The following STK3 variants were observed in gnomAD, a reference collection of about 807,000 sequenced individuals.
STK3 encodes the protein serine/threonine kinase 3, also known as serine/threonine-protein kinase 3.
STK3 carries 41 observed loss-of-function variants against 58.0 expected under a neutral mutation model. The observed-to-expected ratio is 0.71, with a 90% confidence interval of 0.55 to 0.92. The LOEUF (loss-of-function observed/expected upper bound fraction) is 0.92, where lower values mean the gene tolerates loss of function less well. Ranked by LOEUF, STK3 falls within the 40% of genes least tolerant of loss-of-function variation. The pLI is 0.00. For synonymous variants in STK3, 170 were observed against 191.0 expected, an observed-to-expected ratio of 0.89 and a Z score of 0.91; for missense variants, 479 against 602.7, an observed-to-expected ratio of 0.79 and a Z score of 2.15.
chr8:98,696,332 A>C (rs542914658), intron 6 of STK3, among the ~76,000 whole-genome samples: 2 of 151,884 alleles, frequency 1.3e-5, no homozygotes, highest in East Asian at 3.9e-4. Flanking sequence ...TCTTTTCCTA[A>C]TTGAATACCC....
downstream of STK3, chr8:98,880,543 T>A (rs918118912): frequency 6.6e-6 from 1 of 152,188 alleles, no homozygotes; most frequent in Non-Finnish European, 1.5e-5. Flanking sequence ...CAAACTCTGG[T>A]GTTCATTTGT....
At chr8:98,876,692 T>C (rs1837570684) in intron 3 of STK3, among the ~76,000 whole-genome samples, 1 of 152,192 alleles carries the variant, frequency 6.6e-6, no homozygotes, top group South Asian at 2.1e-4. Context: ...ACTGGAACAA[T>C]GACTTGCTCC....
In STK3 at chr8:98,622,560, G is replaced by A. The variant is rs528815965; in HGVS notation, c.685-26391C>T. Among the ~76,000 whole-genome samples, 12 of 152,172 alleles carry A rather than the reference G, an allele frequency of 7.9e-5. No homozygotes were observed. In the South Asian group the frequency reaches 2.5e-3, roughly 32 times the overall value. ...ACAATTCATCATGGTAAACTCAAGG[G>A]TCTGTAAAAAATCAAATTATCGAGG... On this transcript the variant is annotated intron_variant, in intron 6 of 10. Coordinates refer to ENST00000419617, the MANE Select transcript of STK3 (RefSeq NM_006281.4).
chr8:98,774,915 T>G, intron 1 of STK3, 96 bp from the exon 2 acceptor site: 1 of 794,016 alleles, frequency 1.3e-6, no homozygotes, highest in East Asian at 2.9e-5. Flanking sequence ...TTAATTTTAT[T>G]TTAATATATT....
In STK3 at chr8:98,755,937, C is replaced by G. The variant is rs1380558972; in HGVS notation, c.237-6547G>C. On this transcript the variant is annotated intron_variant, in intron 3 of 10. Transcript: ENST00000419617. ...CAGGCGAATCATGAGGTCAAGAGAT[C>G]GAGACCATCCTGGCCAACATGGTGA... 2.0e-5 allele frequency among the ~76,000 whole-genome samples: 3 copies of G among 151,936 alleles called. No homozygotes were observed. The South Asian group carries it at 6.2e-4, about 32-fold the overall frequency.
chr8:98,815,650 C>A (rs575148551), intron 1 of STK3, among the ~76,000 whole-genome samples: 28 of 152,110 alleles, frequency 1.8e-4, no homozygotes, highest in African/African-American at 6.0e-4. Flanking sequence ...ATGTTTAAAT[C>A]CATCTTCTCA....
chr8:98,697,957 G>A (rs1433049201), intron 6 of STK3, among the ~76,000 whole-genome samples: 1 of 152,192 alleles, frequency 6.6e-6, no homozygotes, highest in African/African-American at 2.4e-5. Flanking sequence ...AATGTTGACA[G>A]TGGGGTGTTA....
In STK3 at chr8:98,595,307, CTTT is replaced by C. The variant is rs1352086219; in HGVS notation, c.822+722_822+724del. 3 of 144,332 alleles carry C rather than the reference CTTT, an allele frequency of 2.1e-5. No individual in the cohort carries two copies. In the East Asian group the frequency reaches 6.0e-4, roughly 29 times the overall value. 8.9% of individuals were successfully genotyped at this position (144,332 alleles called of 1,614,324 possible). A position where few individuals can be genotyped will look rare whatever the true frequency, so the allele number is the denominator to read the frequency against. ...GGAAAGTTACTTTTTTTTTTTTTTC[CTTT>C]TTTCTTTTTTTGTTCTTTTAACCCA... On this transcript the variant is annotated intron_variant, in intron 7 of 10. Coordinates refer to ENST00000419617, the MANE Select transcript of STK3 (RefSeq NM_006281.4).
chr8:98,466,094 C>A (rs1469940679), intron 10 of STK3, among the ~76,000 whole-genome samples: 10 of 152,094 alleles, frequency 6.6e-5, no homozygotes, highest in Non-Finnish European at 1.2e-4. Flanking sequence ...CTTATCTCAG[C>A]GATTCTGATT....
chr8:98,815,745 A>G (rs1587692022), intron 1 of STK3, among the ~76,000 whole-genome samples: 2 of 152,380 alleles, frequency 1.3e-5, no homozygotes, highest in East Asian at 3.9e-4. Flanking sequence ...TGTAAATAAA[A>G]GGAAAGAATC....
intron 4 of STK3, among the ~76,000 whole-genome samples, chr8:98,709,685 G>A (rs990799714): frequency 2.0e-5 from 3 of 152,122 alleles, no homozygotes; most frequent in Non-Finnish European, 4.4e-5. Flanking sequence ...GAATGGAGAA[G>A]AAACCACATG....
At chr8:98,797,799 A>G (rs1042470130) in intron 1 of STK3, among the ~76,000 whole-genome samples, 2 of 152,222 alleles carry the variant, frequency 1.3e-5, no homozygotes, top group Non-Finnish European at 2.9e-5. Context: ...CTCTGACAGT[A>G]GAATTTGTCC....
rs140277954 is a variant in STK3, at chr8:98,817,098, C to T, written c.26+8417G>A. 4.0e-4 allele frequency among the ~76,000 whole-genome samples: 61 copies of T among 152,264 alleles called. 1 individual carries two copies. In the East Asian group the frequency reaches 8.7e-3, roughly 22 times the overall value. On this transcript the variant is annotated intron_variant, in intron 1 of 10. Coordinates refer to ENST00000419617, the MANE Select transcript of STK3 (RefSeq NM_006281.4). The stretch of plus-strand genomic sequence containing the variant: ...ACCAGCACACCTGAACATGTCAACA[C>T]CTAAAAACGGCTAGATATGTTTTCC...
chr8:98,522,450 CT>C (rs1274899841), intron 10 of STK3, among the ~76,000 whole-genome samples: 1 of 152,062 alleles, frequency 6.6e-6, no homozygotes, highest in Non-Finnish European at 1.5e-5. Context: ...ATTTCCATAT[CT>C]TATGAATTAG....
chr8:98,836,073 C>T (rs762674277), intron 3 of STK3, among the ~76,000 whole-genome samples: 3 of 152,004 alleles, frequency 2.0e-5, no homozygotes, highest in Non-Finnish European at 4.4e-5. Flanking sequence ...CAGTGGTGGG[C>T]GCCTGTAATT....
At chr8:98,548,279 T>G (rs1413238083) in intron 8 of STK3, 118 bp from the exon 9 acceptor site, 13 of 712,942 alleles carry the variant, frequency 1.8e-5, no homozygotes, top group Non-Finnish European at 2.3e-5. Context: ...CTATTAGTAC[T>G]GATTTTAATA....
At chr8:98,904,144 T>C (rs924608312) in intron 1 of STK3, among the ~76,000 whole-genome samples, 14 of 152,104 alleles carry the variant, frequency 9.2e-5, no homozygotes, top group African/African-American at 2.7e-4. Flanking sequence ...CCCCCAATGG[T>C]CCTAGCAATT....
intron 1 of STK3, among the ~76,000 whole-genome samples, chr8:98,823,414 T>C (rs910432944): frequency 1.3e-5 from 2 of 152,144 alleles, no homozygotes; most frequent in African/African-American, 4.8e-5. Flanking sequence ...GACCACTACA[T>C]CATGGAATGA....
chr8:98,596,967 G>A (rs929099433), intron 6 of STK3, among the ~76,000 whole-genome samples: 2 of 152,016 alleles, frequency 1.3e-5, no homozygotes, highest in Non-Finnish European at 1.5e-5. Context: ...GTCCCAACAT[G>A]AGTAATAAAA....
Sources: gnomAD v4.1 joint callset for allele counts (sites outside exome capture counted in the v4.1 genomes callset) on GRCh38, gnomAD v4.1.1 for gene constraint, MANE v1.5 for transcripts, NCBI Gene and HGNC (gene_info 2026-07-23, HGNC 2026-07-21) for gene names.